The following FGGY variants were observed in gnomAD, a reference collection of about 807,000 sequenced individuals.
FGGY encodes the protein FGGY carbohydrate kinase domain-containing protein.
FGGY carries 72 observed loss-of-function variants against 71.3 expected under a neutral mutation model. The ratio of observed to expected loss-of-function variants is 1.01; its 90% confidence interval spans 0.84 to 1.23. The LOEUF (loss-of-function observed/expected upper bound fraction) is 1.23. FGGY is among the 50% of genes most tolerant of loss of function. FGGY has a pLI of 0.00. For synonymous variants in FGGY, 251 were observed against 250.3 expected (o/e 1.00, Z -0.02); for missense variants, 668 against 682.3 (o/e 0.98, Z 0.23).
intron 14 of FGGY, among the ~76,000 whole-genome samples, chr1:59,693,592 C>A (rs983514666): frequency 3.3e-5 from 5 of 151,436 alleles, no homozygotes; most frequent in African/African-American, 1.2e-4. Flanking sequence ...AAATCATATA[C>A]GTGCATAGAA....
intron 14 of FGGY, among the ~76,000 whole-genome samples, chr1:59,675,762 G>T (rs1047471091): frequency 1.3e-5 from 2 of 152,210 alleles, no homozygotes; most frequent in East Asian, 1.9e-4. Flanking sequence ...AAAACAGGGG[G>T]GATGCTTACT....
At chr1:59,427,535 T>C (rs1433501341) in intron 5 of FGGY, among the ~76,000 whole-genome samples, 1 of 152,214 alleles carries the variant, frequency 6.6e-6, no homozygotes. Context: ...AATTTCTTTT[T>C]GCTCATGCTC....
At chr1:59,662,469 G>T (rs889904659) in intron 12 of FGGY, among the ~76,000 whole-genome samples, 1 of 152,080 alleles carries the variant, frequency 6.6e-6, no homozygotes, top group Admixed American at 6.6e-5. Context: ...ATTAACTTGT[G>T]CAGGGCCATA....
At chr1:59,663,982 G>T (rs945301675) in intron 12 of FGGY, among the ~76,000 whole-genome samples, 1 of 152,128 alleles carries the variant, frequency 6.6e-6, no homozygotes, top group Non-Finnish European at 1.5e-5. Flanking sequence ...AAAGAGGATT[G>T]TAATCAAGTT....
intron 8 of FGGY, among the ~76,000 whole-genome samples, chr1:59,595,770 A>T (rs148277395): frequency 6.6e-6 from 1 of 152,298 alleles, no homozygotes; most frequent in African/African-American, 2.4e-5. Flanking sequence ...ACCCTATATC[A>T]TGTCATATAT....
At chr1:59,707,811 A>T (rs748655693) in intron 14 of FGGY, among the ~76,000 whole-genome samples, 3 of 152,224 alleles carry the variant, frequency 2.0e-5, no homozygotes, top group Non-Finnish European at 4.4e-5. Context: ...GGCTTTGCCC[A>T]AAGAATCGGC....
rs71046339 is a variant in FGGY at position 59,721,337 on chromosome 1, G to GTTTTTTTTTTTTTT, written c.1513-36588_1513-36575dup. On this transcript the variant is annotated intron_variant, in intron 14 of 15. Transcript: ENST00000303721. The stretch of plus-strand genomic sequence containing the variant: ...AGAGAGTTTTTCTTTTCTTTCCTTT[G>GTTTTTTTTTTTTTT]TTTTTTTTTTTTTTTTTTTGAGACG... Among the ~76,000 whole-genome samples the GTTTTTTTTTTTTTT allele has an allele frequency of 2.9e-3, 305 of 105,326 alleles. 28 individuals carry two copies. The highest frequency in any genetic ancestry group is 5.8e-3 in the East Asian group (18 of 3,118). The allele number at this position is 105,326 out of a possible 152,430, so 69.1% of individuals were successfully genotyped here. A position where few individuals can be genotyped will look rare whatever the true frequency, so the allele number is the denominator to read the frequency against.
chr1:59,723,391 A>G (rs2097913437), intron 14 of FGGY, among the ~76,000 whole-genome samples: 1 of 152,162 alleles, frequency 6.6e-6, no homozygotes, highest in African/African-American at 2.4e-5. Context: ...TCCCCCTCAA[A>G]TAATGAGAAA....
chr1:59,576,580 T>G (rs1386685159), intron 8 of FGGY, among the ~76,000 whole-genome samples: 1 of 151,916 alleles, frequency 6.6e-6, no homozygotes, highest in African/African-American at 2.4e-5. Flanking sequence ...TAAATAAGCA[T>G]TCTCATCTTA....
intron 8 of FGGY, among the ~76,000 whole-genome samples, chr1:59,599,874 A>T (rs1389800613): frequency 2.0e-5 from 3 of 152,030 alleles, no homozygotes; most frequent in African/African-American, 7.2e-5. Flanking sequence ...AATAAAAATG[A>T]TGGGGGCAGA....
intron 5 of FGGY, among the ~76,000 whole-genome samples, chr1:59,441,939 T>C (rs1309482447): frequency 6.6e-6 from 1 of 152,208 alleles, no homozygotes; most frequent in Non-Finnish European, 1.5e-5. Context: ...TTTGTCCACC[T>C]GGTGAACTCC....
intron 7 of FGGY, among the ~76,000 whole-genome samples, chr1:59,517,571 A>C (rs369633563): frequency 6.6e-6 from 1 of 151,974 alleles, no homozygotes; most frequent in Admixed American, 6.6e-5. Context: ...TATCCATCAA[A>C]TCTTGAATCC....
intron 1 of FGGY, among the ~76,000 whole-genome samples, chr1:59,304,187 C>A (rs1039720409): frequency 6.6e-6 from 1 of 152,004 alleles, no homozygotes; most frequent in East Asian, 1.9e-4. Context: ...TTGTCGTTTT[C>A]TTCTAGGAGT....
intron 8 of FGGY, among the ~76,000 whole-genome samples, chr1:59,580,046 C>T (rs901342498): frequency 3.9e-5 from 6 of 152,138 alleles, no homozygotes; most frequent in Non-Finnish European, 8.8e-5. Flanking sequence ...TAACTGCATG[C>T]TTCACTCACT....
At chr1:59,533,378 C>A (rs2095215802) in intron 7 of FGGY, among the ~76,000 whole-genome samples, 1 of 152,216 alleles carries the variant, frequency 6.6e-6, no homozygotes, top group Non-Finnish European at 1.5e-5. Context: ...TGATTGCTAG[C>A]ACAGCAGTCT....
intron 7 of FGGY, among the ~76,000 whole-genome samples, chr1:59,551,619 A>T (rs1468882565): frequency 1.3e-5 from 2 of 152,050 alleles, no homozygotes; most frequent in African/African-American, 4.8e-5. Flanking sequence ...TCTTAGAGAA[A>T]AACCTGTGAG....
intron 11 of FGGY, among the ~76,000 whole-genome samples, chr1:59,658,918 G>C (rs190763192): frequency 6.2e-4 from 95 of 152,320 alleles, no homozygotes; most frequent in African/African-American, 2.2e-3. Context: ...GAAGACAGGG[G>C]AGGTCAAGAA....
chr1:59,510,074 T>C (rs989012926), intron 6 of FGGY, among the ~76,000 whole-genome samples: 2 of 151,582 alleles, frequency 1.3e-5, no homozygotes, highest in Non-Finnish European at 2.9e-5. Context: ...TAATGCTTGT[T>C]CTAAAAATAC....
intron 12 of FGGY, among the ~76,000 whole-genome samples, chr1:59,665,068 A>G (rs1489345217): frequency 1.3e-5 from 2 of 152,218 alleles, no homozygotes; most frequent in South Asian, 2.1e-4. Context: ...ATGCCGTTAG[A>G]GCAGACTGGG....
Sources: gnomAD v4.1 joint callset for allele counts (sites outside exome capture counted in the v4.1 genomes callset) on GRCh38, gnomAD v4.1.1 for gene constraint, MANE v1.5 for transcripts, NCBI Gene and HGNC (gene_info 2026-07-23, HGNC 2026-07-21) for gene names.